CCDC9: variants seen among roughly 807,000 people sequenced by gnomAD.
The protein encoded by CCDC9 is coiled-coil domain containing 9.
In CCDC9, 52 loss-of-function variants were observed where a neutral mutation model predicts 65.6. The ratio of observed to expected loss-of-function variants is 0.79; its 90% CI spans 0.63 to 1.00. The LOEUF is 1.00. Ranked by LOEUF, CCDC9 falls within the 50% of genes least tolerant of loss-of-function variation. CCDC9 has a pLI of 0.00. For missense variants in CCDC9, 834 were observed against 757.2 expected, an observed-to-expected ratio of 1.10 and a Z score of -1.19; for synonymous variants, 332 against 280.3, an observed-to-expected ratio of 1.18 and a Z score of -1.84.
chr19:47,264,831 G>C lies in CCDC9; in HGVS notation c.605G>C (p.Ser202Thr), dbSNP rs764418073. ...TTCCTGGACGACCCCCGGCGACGCA[G>C]CGGGCCCCTGGAGGAGTCTGAGCGG... ...RNFLDDPRRRSGPLEESERDR... is the reference protein window; with the variant it reads ...RNFLDDPRRRTGPLEESERDR... The change falls in exon 7 of 12, where the codon AGC (serine) becomes ACC (threonine). Residue 202 changes from serine to threonine, a missense_variant. Ser to Thr is a moderately conservative substitution (Grantham distance 58). Coordinates refer to ENST00000221922, the MANE Select transcript of CCDC9 (RefSeq NM_015603.3). 6.4e-7 allele frequency: 1 copy of C among 1,554,820 alleles called. No individual in the cohort carries two copies. Among genetic ancestry groups the C allele is most frequent in the Non-Finnish European group, 8.7e-7 (1 of 1,149,314 alleles).
At chr19:47,266,301 G>T (rs1014787877) in intron 7 of CCDC9, 56 of 324,270 alleles carry the variant, frequency 1.7e-4, no homozygotes, top group Non-Finnish European at 2.4e-4. Flanking sequence ...GGCGGGAGAA[G>T]AGTTTGGAGG....
At position 47,258,757 on chromosome 19, in the gene CCDC9, C is replaced by T. The variant is rs1040331260; in HGVS notation, c.108+94C>T. The T allele has an allele frequency of 1.8e-5, 16 of 889,282 alleles. No homozygotes were observed. The Admixed American group carries it at 2.9e-4, about 16-fold the overall frequency. 55.1% of individuals were successfully genotyped at this position (889,282 alleles called of 1,614,324 possible). On this transcript the variant is annotated intron_variant, in intron 3 of 11. Coordinates refer to ENST00000221922, the MANE Select transcript of CCDC9 (RefSeq NM_015603.3). ...CTTCCTTAAAACCTTTTCATGGCTC[C>T]CCATCACTGTCAGGATAAAGGCCAA...
In CCDC9 at chr19:47,256,591, C is replaced by A. The variant is rs902168587; in HGVS notation, c.-90C>A. The A allele has an allele frequency of 7.5e-6, 1 of 133,504 alleles. No individual in the cohort carries two copies. Among genetic ancestry groups the A allele is most frequent in the Admixed American group, 8.6e-5 (1 of 11,616 alleles). The allele number at this position is 133,504 out of a possible 1,614,324, so 8.3% of individuals were successfully genotyped here. A position where few individuals can be genotyped will look rare whatever the true frequency, so the allele number is the denominator to read the frequency against. Reference sequence around the variant, plus strand: ...CCGACGGAGCCGGAGTCGCGGACGCCGCGGGGTCTCCGGGACAGGTGACCT... The same window carrying A: ...CCGACGGAGCCGGAGTCGCGGACGCAGCGGGGTCTCCGGGACAGGTGACCT... On this transcript the variant is annotated 5_prime_UTR_variant, in exon 1 of 12. Coordinates refer to ENST00000221922, the MANE Select transcript of CCDC9 (RefSeq NM_015603.3).
intron 1 of CCDC9, 165 bp from the exon 2 acceptor site, chr19:47,258,165 A>T (rs1218319028): frequency 1.7e-6 from 1 of 589,544 alleles, no homozygotes; most frequent in Admixed American, 3.0e-5. Flanking sequence ...CTGAATTTCT[A>T]TGGAGAAGAT....
chr19:47,262,023 A>G (rs1327010830), intron 5 of CCDC9, among the ~76,000 whole-genome samples: 1 of 48,670 alleles, frequency 2.1e-5, no homozygotes, highest in Non-Finnish European at 4.6e-5. Context: ...CTCCGTCTCA[A>G]AAAAAAAAAA....
intron 7 of CCDC9, among the ~76,000 whole-genome samples, chr19:47,265,997 T>C (rs1301564931): frequency 7.6e-5 from 7 of 92,322 alleles, no homozygotes; most frequent in African/African-American, 2.8e-4. Context: ...TTTTTTTTTT[T>C]TTTTTTTTTT....
chr19:47,275,071 A>G (rs1305512533), downstream of CCDC9: 3 of 1,496,484 alleles, frequency 2.0e-6, no homozygotes, highest in Non-Finnish European at 2.7e-6. Flanking sequence ...GCCGTGTACT[A>G]CGGTCTCATC....
rs2059026231 is a variant in CCDC9, at chr19:47,258,596, A to T, written c.41A>T (p.Asp14Val). 6.2e-6 allele frequency: 10 copies of T among 1,614,108 alleles called. No homozygotes were observed. Among genetic ancestry groups the T allele is most frequent in the Non-Finnish European group, 7.6e-6 (9 of 1,179,988 alleles). ...GATTTGAAATCAAAGGAGGAGAAGGATGCTGAGTTGGACAAGAGGATCGAG... is the reference window on the plus strand; with the variant it reads ...GATTTGAAATCAAAGGAGGAGAAGGTTGCTGAGTTGGACAAGAGGATCGAG... ...TLDLKSKEEK[D>V]AELDKRIEAL... The change falls in exon 3 of 12, where the codon GAT becomes GTT. Residue 14 changes from aspartate to valine, a missense_variant. Coordinates refer to ENST00000221922, the MANE Select transcript of CCDC9 (RefSeq NM_015603.3).
chr19:47,271,063 C>G lies in CCDC9; in HGVS notation c.1086-19C>G. 6.6e-7 allele frequency: 1 copy of G among 1,521,770 alleles called. No homozygotes were observed. The allele number at this position is 1,521,770 out of a possible 1,614,324, so 94.3% of individuals were successfully genotyped here. A position where few individuals can be genotyped will look rare whatever the true frequency, so the allele number is the denominator to read the frequency against. ...TCTACTCTCCACCCAGGCATCACCC[C>G]TCCCTCTGTTCCCTCTAGTGACCAT... On this transcript the variant is annotated intron_variant, in intron 10 of 11. Coordinates refer to ENST00000221922, the MANE Select transcript of CCDC9 (RefSeq NM_015603.3).
At chr19:47,273,814 T>C (rs905108499), downstream of CCDC9, 2 of 282,456 alleles carry the variant, frequency 7.1e-6, no homozygotes, top group Non-Finnish European at 1.2e-5. Flanking sequence ...CCCTGTCGTA[T>C]TAAACGCAGT....
intron 7 of CCDC9, among the ~76,000 whole-genome samples, chr19:47,265,174 C>T (rs1052767866): frequency 6.6e-6 from 1 of 152,114 alleles, no homozygotes; most frequent in African/African-American, 2.4e-5. Context: ...TCTGCCTCAG[C>T]CTCCCGAGTA....
In CCDC9 at chr19:47,260,273, G is replaced by A. The variant is rs1275594714; in HGVS notation, c.109-48G>A. On this transcript the variant is annotated intron_variant, in intron 3 of 11. Coordinates refer to ENST00000221922, the MANE Select transcript of CCDC9 (RefSeq NM_015603.3). The stretch of plus-strand genomic sequence containing the variant: ...AGTTCAGGGGTCTGGGAGTCCGTCT[G>A]GCAGACAGGGCACCTGATGCTTCCC... The A allele has an allele frequency of 7.2e-6, 10 of 1,381,792 alleles. No homozygotes were observed. In the East Asian group the frequency reaches 2.5e-4, roughly 34 times the overall value. The allele number at this position is 1,381,792 out of a possible 1,614,324, so 85.6% of individuals were successfully genotyped here. A position where few individuals can be genotyped will look rare whatever the true frequency, so the allele number is the denominator to read the frequency against.
chr19:47,270,790 G>C, intron 10 of CCDC9, 102 bp downstream of exon 10: 2 of 1,327,848 alleles, frequency 1.5e-6, no homozygotes, highest in Non-Finnish European at 2.0e-6. Flanking sequence ...GTCTGTCCCT[G>C]TCTTTGTCTT....
downstream of CCDC9, chr19:47,275,588 C>A: frequency 1.8e-6 from 1 of 553,608 alleles, no homozygotes; most frequent in South Asian, 2.4e-5. Context: ...TGAGCTCTGT[C>A]TCCTGCCCCT....
At position 47,271,728 on chromosome 19, in the gene CCDC9, TGTGTGCGCGCGCGCGC is replaced by T. The variant is rs774195682; in HGVS notation, c.*52_*67del. 0.096 allele frequency: 85,035 copies of T among 886,362 alleles called. 615 individuals are homozygous for T. The highest frequency in any genetic ancestry group is 0.22 in the East Asian group (3,655 of 16,250). 54.9% of individuals were successfully genotyped at this position (886,362 alleles called of 1,614,324 possible). ...GTGTGTGTGTGTGTGTGTGTGTGTG[TGTGTGCGCGCGCGCGC>T]GCGCGCGCGCGCGCGCTAGAGGGGT... is the stretch of plus-strand genomic sequence containing the variant. On this transcript the variant is annotated 3_prime_UTR_variant, in exon 12 of 12. Coordinates refer to ENST00000221922, the MANE Select transcript of CCDC9 (RefSeq NM_015603.3).
chr19:47,260,388 G>T lies in CCDC9; in HGVS notation c.176G>T (p.Arg59Leu), dbSNP rs951060044. The stretch of plus-strand genomic sequence containing the variant: ...GCAGTCACAGCTCCCCGAAAGGGCC[G>T]CTCAGTGGAGAAGGAGAACGTGGCA... ...GVAVTAPRKGRSVEKENVAVE... is the reference protein window; with the variant it reads ...GVAVTAPRKGLSVEKENVAVE... The change falls in exon 4 of 12, where the codon CGC (arginine) becomes CTC (leucine). Residue 59 changes from arginine to leucine, a missense_variant. By Grantham distance (102) the Arg-to-Leu change is moderately radical. Coordinates refer to ENST00000221922, the MANE Select transcript of CCDC9 (RefSeq NM_015603.3). 2.5e-6 allele frequency: 4 copies of T among 1,605,910 alleles called. No homozygotes were observed. The highest frequency in any genetic ancestry group is 3.4e-6 in the Non-Finnish European group (4 of 1,176,284).
intron 5 of CCDC9, 99 bp from the exon 6 acceptor site, chr19:47,264,504 C>T (rs943440775): frequency 2.1e-5 from 24 of 1,145,466 alleles, no homozygotes; most frequent in Admixed American, 1.6e-4. Context: ...CAGGCCAGTC[C>T]GAGGAGAGGA....
At chr19:47,262,874 C>A (rs974197374) in intron 5 of CCDC9, among the ~76,000 whole-genome samples, 1 of 151,784 alleles carries the variant, frequency 6.6e-6, no homozygotes, top group African/African-American at 2.4e-5. Flanking sequence ...TCGCTTGAGC[C>A]CAGGAGTTTG....
chr19:47,259,100 A>G (rs2059029246), intron 3 of CCDC9, among the ~76,000 whole-genome samples: 1 of 152,194 alleles, frequency 6.6e-6, no homozygotes, highest in African/African-American at 2.4e-5. Flanking sequence ...CTGAGGCTTG[A>G]GTGGTGAGTA....
Sources: allele counts gnomAD v4.1 joint callset (sites outside exome capture counted in the v4.1 genomes callset), GRCh38; gene constraint gnomAD v4.1.1; transcripts MANE v1.5; gene names NCBI Gene and HGNC (gene_info 2026-07-23, HGNC 2026-07-21).